DAB2IP: variants seen among roughly 807,000 people sequenced by gnomAD.
DAB2IP encodes DAB2 interacting protein.
Under a neutral mutation model 107.2 loss-of-function variants are expected in DAB2IP, and 28 were observed. The ratio of observed to expected loss-of-function variants is 0.26; its 90% confidence interval spans 0.19 to 0.36. The LOEUF is 0.36. DAB2IP is among the 10% of genes least tolerant of loss of function. The pLI is 1.00. For synonymous variants in DAB2IP, 755 were observed against 706.4 expected, an observed-to-expected ratio of 1.07 and a Z score of -1.09; for missense variants, 1,400 against 1,644.7, an observed-to-expected ratio of 0.85 and a Z score of 2.57.
chr9:121,650,451 C>T (rs1832700067), upstream of DAB2IP, among the ~76,000 whole-genome samples: 1 of 152,248 alleles, frequency 6.6e-6, no homozygotes, highest in African/African-American at 2.4e-5. Context: ...CTCCAGGGCC[C>T]CACCTTCCCC....
At chr9:121,604,472 G>A (rs946792190) in intron 1 of DAB2IP, among the ~76,000 whole-genome samples, 2 of 152,122 alleles carry the variant, frequency 1.3e-5, no homozygotes, top group South Asian at 4.1e-4. Context: ...AAGCTCCCTG[G>A]CCTGGCAAAC....
rs1170859505 is a variant in DAB2IP at position 121,701,423 on chromosome 9, CAGT to C, written c.362+1968_362+1970del. ...GAAACTACAAGCCTGTTTCTGGAAA[CAGT>C]AGGAAACGGTAGCGGTTGGAGCAGA... On this transcript the variant is annotated intron_variant, in intron 3 of 15. Transcript: ENST00000408936. This position sits in a 1 kb window ranked among gnomAD's most constrained non-coding sequence, Gnocchi z 4.7. Among the ~76,000 whole-genome samples the C allele has an allele frequency of 6.6e-6, 1 of 152,208 alleles. No individual in the cohort carries two copies. Among genetic ancestry groups the C allele is most frequent in the African/African-American group, 2.4e-5 (1 of 41,458 alleles).
intron 3 of DAB2IP, among the ~76,000 whole-genome samples, chr9:121,727,121 G>A (rs1334449711): frequency 6.6e-6 from 1 of 152,192 alleles, no homozygotes; most frequent in African/African-American, 2.4e-5. Flanking sequence ...GCACTCTGAG[G>A]GGTGATACCT....
intron 3 of DAB2IP, among the ~76,000 whole-genome samples, chr9:121,712,461 T>C (rs146442191): frequency 1.1e-4 from 16 of 152,272 alleles, no homozygotes; most frequent in African/African-American, 3.8e-4. Flanking sequence ...GTGTTTCTGC[T>C]TGGGGCCCTT....
intron 3 of DAB2IP, among the ~76,000 whole-genome samples, chr9:121,708,950 G>A (rs2118769669): frequency 6.6e-6 from 1 of 152,302 alleles, no homozygotes. Flanking sequence ...CTAGGGTAGT[G>A]GGAGGTGATG....
intron 3 of DAB2IP, among the ~76,000 whole-genome samples, chr9:121,747,758 G>C (rs1832816992): frequency 6.6e-6 from 1 of 151,472 alleles, no homozygotes; most frequent in Non-Finnish European, 1.5e-5. Context: ...GACAGCTATT[G>C]ATTAAAAACC....
chr9:121,718,697 A>G (rs1346195564), intron 3 of DAB2IP, among the ~76,000 whole-genome samples: 2 of 152,376 alleles, frequency 1.3e-5, no homozygotes, highest in Admixed American at 1.3e-4. Context: ...TGGGATTTGC[A>G]GCTAAATGCT....
At chr9:121,627,015 A>G (rs1831672294) in intron 1 of DAB2IP, among the ~76,000 whole-genome samples, 2 of 152,032 alleles carry the variant, frequency 1.3e-5, no homozygotes, top group African/African-American at 4.8e-5. Context: ...CTGCACCAAA[A>G]TCTGCTTCTT....
chr9:121,749,669 A>G (rs559583151), intron 3 of DAB2IP, among the ~76,000 whole-genome samples: 1 of 152,322 alleles, frequency 6.6e-6, no homozygotes, highest in African/African-American at 2.4e-5. Context: ...TCTACTGCCC[A>G]CTGCTAGGCA....
rs116084323 is a variant in DAB2IP, at chr9:121,762,910, G to A, written c.1171-595G>A. Reference sequence around the variant, plus strand: ...CTGGGGCTGCTACCCTGGATTGCCAGGTGGGCAGTGGCGCCTCCACCTTCC... The same window carrying A: ...CTGGGGCTGCTACCCTGGATTGCCAAGTGGGCAGTGGCGCCTCCACCTTCC... On this transcript the variant is annotated intron_variant, in intron 6 of 15. Coordinates refer to ENST00000408936, the Ensembl canonical transcript of DAB2IP. Among the ~76,000 whole-genome samples the A allele has an allele frequency of 3.0e-3, 452 of 152,336 alleles. 2 individuals are homozygous for A. The highest frequency in any genetic ancestry group is 0.01 in the African/African-American group (427 of 41,586).
Position 121,699,393 on chromosome 9 carries a change from C to T in DAB2IP, c.297C>T (p.Asn99=), listed in dbSNP as rs777286832. 9 of 1,480,062 alleles carry T rather than the reference C, an allele frequency of 6.1e-6. No homozygotes were observed. Among genetic ancestry groups the T allele is most frequent in the Non-Finnish European group, 7.2e-6 (8 of 1,106,220 alleles). 91.7% of individuals were successfully genotyped at this position (1,480,062 alleles called of 1,614,324 possible). Residue 99 remains asparagine (N), a synonymous_variant, in exon 3 of 16, where the codon AAC becomes AAT. Coordinates refer to ENST00000408936, the Ensembl canonical transcript of DAB2IP. This position sits in a 1 kb window ranked among gnomAD's most constrained non-coding sequence, Gnocchi z 6.2. The stretch of plus-strand genomic sequence containing the variant: ...AGAGCCAGCCCAAGCTGGACCGCAA[C>T]CACAGCTTCCGCCACATCCTGCCGG...
At chr9:121,740,305 C>T (rs1374312647) in intron 3 of DAB2IP, among the ~76,000 whole-genome samples, 1 of 152,206 alleles carries the variant, frequency 6.6e-6, no homozygotes, top group African/African-American at 2.4e-5. Context: ...TCTCCACCCA[C>T]TCTCTGGAAG....
intron 1 of DAB2IP, among the ~76,000 whole-genome samples, chr9:121,569,589 G>A (rs1829886343): frequency 6.6e-6 from 1 of 152,254 alleles, no homozygotes; most frequent in African/African-American, 2.4e-5. Context: ...GGAGGCTGAG[G>A]CAGGTGGATC....
At chr9:121,731,372 A>C (rs1831530544) in intron 3 of DAB2IP, among the ~76,000 whole-genome samples, 1 of 152,212 alleles carries the variant, frequency 6.6e-6, no homozygotes. Context: ...AATATCACAC[A>C]TGGCAGCACT....
exon 5 of DAB2IP, chr9:121,758,906 G>A (rs559896738): frequency 6.3e-5 from 102 of 1,613,306 alleles, no homozygotes; most frequent in African/African-American, 1.2e-4. Context: ...AGGTGACGAC[G>A]TCATCAGGAA....
chr9:121,727,913 C>G lies in DAB2IP; in HGVS notation c.362+28455C>G, dbSNP rs181536578. ...GTCTGCCTTCTCCCTTGTCCCTGAG[C>G]CACCACCCATCATCCTTTGCATGCC... On this transcript the variant is annotated intron_variant, in intron 3 of 15. Transcript: ENST00000408936. Among the ~76,000 whole-genome samples, 4 of 152,290 alleles carry G rather than the reference C, an allele frequency of 2.6e-5. No homozygotes were observed. In the East Asian group the frequency reaches 7.7e-4, roughly 29 times the overall value.
intron 3 of DAB2IP, among the ~76,000 whole-genome samples, chr9:121,704,055 A>T (rs756546339): frequency 6.6e-6 from 1 of 152,210 alleles, no homozygotes; most frequent in Non-Finnish European, 1.5e-5. Flanking sequence ...CGTTTGGGTC[A>T]TACTTGTTTT....
chr9:121,752,293 T>G (rs1833176173), intron 3 of DAB2IP, among the ~76,000 whole-genome samples: 1 of 151,988 alleles, frequency 6.6e-6, no homozygotes, highest in Admixed American at 6.6e-5. Flanking sequence ...CACCAGGGTT[T>G]GCAGGCTGAG....
At chr9:121,645,165 G>A (rs62572787) in intron 1 of DAB2IP, among the ~76,000 whole-genome samples, 32,305 of 152,172 alleles carry the variant, frequency 0.21, 3,918 homozygotes, top group South Asian at 0.39. Flanking sequence ...GGCTGTGGGC[G>A]TCACTGGGGC....
Sources: gnomAD v4.1 joint callset for allele counts (sites outside exome capture counted in the v4.1 genomes callset) on GRCh38, gnomAD v4.1.1 for gene constraint, Gnocchi (gnomAD v3.1) non-coding constraint, MANE v1.5 for transcripts, NCBI Gene and HGNC (gene_info 2026-07-23, HGNC 2026-07-21) for gene names.